Variants in DNAJA2 observed in about 807,000 individuals in gnomAD.
The protein encoded by DNAJA2 is dnaJ homolog subfamily A member 2.
In DNAJA2, 6 loss-of-function variants were observed where a neutral mutation model predicts 49.3. The observed-to-expected ratio is 0.12, with a 90% CI of 0.07 to 0.24. The LOEUF is 0.24. Among genes scored for constraint, DNAJA2 ranks in the 10% least tolerant of loss-of-function variants. DNAJA2 has a pLI of 1.00. For missense variants in DNAJA2, 347 were observed against 516.8 expected (o/e 0.67, Z 3.19); for synonymous variants, 160 against 172.7 (o/e 0.93, Z 0.58).
At position 46,973,518 on chromosome 16, in the gene DNAJA2, C is replaced by T; in HGVS notation, c.55G>A (p.Ala19Thr). Reference protein sequence around the residue: ...LYDILGVPPGASENELKKAYR... With the variant: ...LYDILGVPPGTSENELKKAYR... The stretch of plus-strand genomic sequence containing the variant: ...ACCTTCTTCAGCTCGTTCTCGCTGG[C>T]GCCGGGCGGGACGCCCAGGATGTCG... The change falls in exon 1 of 9, where the codon GCC becomes ACC. Residue 19 changes from alanine to threonine, a missense_variant. By Grantham distance (58) the Ala-to-Thr change is moderately conservative. Transcript: ENST00000317089. The T allele has an allele frequency of 6.2e-7, 1 of 1,603,074 alleles. No homozygotes were observed. The highest frequency in any genetic ancestry group is 8.5e-7 in the Non-Finnish European group (1 of 1,177,682).
intron 5 of DNAJA2, among the ~76,000 whole-genome samples, chr16:46,966,235 T>C (rs1210143564): frequency 6.6e-6 from 1 of 152,014 alleles, no homozygotes; most frequent in Non-Finnish European, 1.5e-5. Context: ...TCTCCAAAAA[T>C]AATAATAATT....
intron 6 of DNAJA2, among the ~76,000 whole-genome samples, chr16:46,962,634 GAACAAGGAAGT>G (rs1961914626): frequency 1.3e-5 from 2 of 152,146 alleles, no homozygotes; most frequent in South Asian, 2.1e-4. Flanking sequence ...AAGACTGAAG[GAACAAGGAAGT>G]AGCTAAAATG....
chr16:46,960,904 C>T (rs183340510), intron 6 of DNAJA2, among the ~76,000 whole-genome samples: 23 of 151,640 alleles, frequency 1.5e-4, no homozygotes, highest in African/African-American at 4.6e-4. Flanking sequence ...TGAGGCAGGA[C>T]GATCCCTTGA....
intron 5 of DNAJA2, among the ~76,000 whole-genome samples, chr16:46,965,832 C>CAAA (rs765934380): frequency 1.8e-5 from 1 of 55,696 alleles, no homozygotes; most frequent in African/African-American, 6.7e-5. Flanking sequence ...CTCCGTCTCA[C>CAAA]AAAAAAAAAA....
At chr16:46,968,371 T>C (rs2143657882) in intron 3 of DNAJA2, among the ~76,000 whole-genome samples, 1 of 152,314 alleles carries the variant, frequency 6.6e-6, no homozygotes, top group South Asian at 2.1e-4. Context: ...ACAGTACATA[T>C]ATGATACCCA....
intron 6 of DNAJA2, among the ~76,000 whole-genome samples, chr16:46,961,925 A>G (rs1460371368): frequency 6.6e-6 from 1 of 151,250 alleles, no homozygotes; most frequent in East Asian, 1.9e-4. Context: ...GCACTATGGT[A>G]ACCAGACCAC....
intron 5 of DNAJA2, 141 bp downstream of exon 5, chr16:46,967,372 A>G: frequency 9.0e-7 from 1 of 1,105,154 alleles, no homozygotes; most frequent in Non-Finnish European, 1.2e-6. Context: ...GAATTATAGG[A>G]ATGAGCTAAC....
chr16:46,969,863 TACAG>T (rs1962021295), intron 3 of DNAJA2, among the ~76,000 whole-genome samples: 1 of 152,188 alleles, frequency 6.6e-6, no homozygotes, highest in Non-Finnish European at 1.5e-5. Context: ...AACTATAAAG[TACAG>T]ACAGCACTCT....
At chr16:46,963,538 A>C (rs1200986425) in intron 6 of DNAJA2, among the ~76,000 whole-genome samples, 1 of 151,480 alleles carries the variant, frequency 6.6e-6, no homozygotes, top group Admixed American at 6.6e-5. Flanking sequence ...ACCCCAAAAA[A>C]CAAACAAACA....
chr16:46,971,648 A>C, intron 2 of DNAJA2, 76 bp from the exon 3 acceptor site: 1 of 693,194 alleles, frequency 1.4e-6, no homozygotes, highest in Non-Finnish European at 2.3e-6. Flanking sequence ...GGAATCCAGA[A>C]TCCATTTAAT....
chr16:46,966,032 TG>T (rs1258167168), intron 5 of DNAJA2, among the ~76,000 whole-genome samples: 3 of 151,858 alleles, frequency 2.0e-5, no homozygotes, highest in African/African-American at 7.3e-5. Context: ...GAGACCAGCC[TG>T]GGCAACGTGG....
intron 3 of DNAJA2, among the ~76,000 whole-genome samples, chr16:46,968,654 AC>A (rs1246176260): frequency 6.6e-6 from 1 of 152,220 alleles, no homozygotes; most frequent in Admixed American, 6.5e-5. Context: ...TAGAAAGGCT[AC>A]AAAGTTATAT....
rs574455798 is a variant in DNAJA2, at chr16:46,958,917, C to G, written c.1047+86G>C. 8.2e-6 allele frequency: 12 copies of G among 1,455,288 alleles called. No individual in the cohort carries two copies. In the East Asian group the frequency reaches 2.8e-4, roughly 34 times the overall value. 90.1% of individuals were successfully genotyped at this position (1,455,288 alleles called of 1,614,324 possible). The stretch of plus-strand genomic sequence containing the variant: ...CACGATCACACCACTACACCCCAGC[C>G]TGGGTGACAGAGACCCTGTCTAAAA... On this transcript the variant is annotated intron_variant, in intron 8 of 8. Transcript: ENST00000317089.
intron 6 of DNAJA2, among the ~76,000 whole-genome samples, chr16:46,962,992 G>A (rs1380842418): frequency 6.6e-6 from 1 of 152,134 alleles, no homozygotes; most frequent in East Asian, 1.9e-4. Context: ...ACAGAAGGAC[G>A]ATCTCCTTCT....
At position 46,964,754 on chromosome 16, in the gene DNAJA2, T is replaced by C; in HGVS notation, c.631A>G (p.Ile211Val). ...ACTTCAAGAATCTTGACTTCTTTAA[T>C]CACCTTCTTCCCTTCACATTTTTTA... is the stretch of plus-strand genomic sequence containing the variant. ...RCKKCEGKKVIKEVKILEVHV... is the reference protein window; with the variant it reads ...RCKKCEGKKVVKEVKILEVHV... Residue 211 changes from isoleucine to valine, a missense_variant, in exon 6 of 9, where the codon ATT becomes GTT. Physicochemically the swap from Ile to Val is conservative, Grantham distance 29. Coordinates refer to ENST00000317089, the MANE Select transcript of DNAJA2 (RefSeq NM_005880.4). 1.9e-6 allele frequency: 3 copies of C among 1,614,156 alleles called. No individual in the cohort carries two copies. Among genetic ancestry groups the C allele is most frequent in the Non-Finnish European group, 2.5e-6 (3 of 1,180,016 alleles).
intron 2 of DNAJA2, 156 bp from the exon 3 acceptor site, chr16:46,971,728 C>T (rs943330721): frequency 8.4e-6 from 7 of 837,112 alleles, no homozygotes; most frequent in Non-Finnish European, 1.1e-5. Context: ...CCCACCGCTC[C>T]TCAGAATGGT....
At chr16:46,971,821 C>T in intron 2 of DNAJA2, 75 bp downstream of exon 2, 1 of 1,308,772 alleles carries the variant, frequency 7.6e-7, no homozygotes, top group Non-Finnish European at 1.1e-6. Context: ...TTTCCTGCAA[C>T]ATTCCTCTTT....
At chr16:46,964,157 T>C (rs1961936538) in intron 6 of DNAJA2, among the ~76,000 whole-genome samples, 1 of 152,180 alleles carries the variant, frequency 6.6e-6, no homozygotes, top group South Asian at 2.1e-4. Flanking sequence ...GCAGATCACC[T>C]GAGGTTGGGA....
At chr16:46,963,109 C>T (rs1039047715) in intron 6 of DNAJA2, among the ~76,000 whole-genome samples, 9 of 152,052 alleles carry the variant, frequency 5.9e-5, no homozygotes, top group Non-Finnish European at 1.3e-4. Context: ...ACCATTTCTC[C>T]GTGTTCATTG....
Sources: allele counts gnomAD v4.1 joint callset (sites outside exome capture counted in the v4.1 genomes callset), GRCh38; gene constraint gnomAD v4.1.1; transcripts MANE v1.5; gene names NCBI Gene and HGNC (gene_info 2026-07-23, HGNC 2026-07-21).